Variants in ITSN2 observed in about 807,000 individuals in gnomAD.
The protein encoded by ITSN2 is intersectin-2.
In ITSN2, 156 loss-of-function variants were observed where a neutral mutation model predicts 243.7. That is an observed-to-expected ratio of 0.64 (90% CI 0.56 to 0.73). ITSN2 has a LOEUF of 0.73. Ranked by LOEUF, ITSN2 falls within the 30% of genes least tolerant of loss-of-function variation. The pLI is 0.00. For synonymous variants in ITSN2, 703 were observed against 699.9 expected, an observed-to-expected ratio of 1.00 and a Z score of -0.07; for missense variants, 1,801 against 1,996.1, an observed-to-expected ratio of 0.90 and a Z score of 1.86.
chr2:24,322,719 A>T (rs1684723271), intron 2 of ITSN2, among the ~76,000 whole-genome samples: 1 of 152,220 alleles, frequency 6.6e-6, no homozygotes, highest in Non-Finnish European at 1.5e-5. Flanking sequence ...ATTTTGACAA[A>T]CTGGACTTTA....
intron 20 of ITSN2, among the ~76,000 whole-genome samples, chr2:24,270,109 A>T (rs764622038): frequency 1.3e-5 from 2 of 152,168 alleles, no homozygotes; most frequent in Non-Finnish European, 2.9e-5. Flanking sequence ...CTCTGGCTAG[A>T]TACTCTGGTT....
At chr2:24,228,581 G>C (rs1219538585) in intron 29 of ITSN2, among the ~76,000 whole-genome samples, 1 of 152,182 alleles carries the variant, frequency 6.6e-6, no homozygotes, top group Admixed American at 6.5e-5. Context: ...GCATTGATCA[G>C]CAGAAGGAAG....
At chr2:24,288,095 A>C (rs1249335622) in intron 15 of ITSN2, among the ~76,000 whole-genome samples, 1 of 152,118 alleles carries the variant, frequency 6.6e-6, no homozygotes, top group African/African-American at 2.4e-5. Context: ...TATCCAAAAA[A>C]TCACTGCCAA....
chr2:24,240,447 C>T (rs935509521), intron 29 of ITSN2: 16 of 152,112 alleles, frequency 1.1e-4, no homozygotes, highest in African/African-American at 3.9e-4. Flanking sequence ...GGTCTAGTAA[C>T]TAGAAATTGC....
chr2:24,249,363 C>G lies in ITSN2; in HGVS notation c.3121-481G>C, dbSNP rs142315906. On this transcript the variant is annotated intron_variant, in intron 25 of 39. Transcript: ENST00000355123. The surrounding 1 kb of genome is among the most constrained non-coding windows in gnomAD (Gnocchi z 4.4). ...TTTTATTTATTTTACCATCCTCCCC[C>G]CAAACTGACTGAATCTGACCTAAGA... Among the ~76,000 whole-genome samples the G allele has an allele frequency of 8.2e-4, 125 of 152,242 alleles. No individual in the cohort carries two copies. The highest frequency in any genetic ancestry group is 2.5e-3 in the African/African-American group (105 of 41,548).
chr2:24,345,763 T>A (rs538581829), intron 1 of ITSN2, among the ~76,000 whole-genome samples: 1 of 151,882 alleles, frequency 6.6e-6, no homozygotes, highest in Admixed American at 6.5e-5. Flanking sequence ...CTGTAACATA[T>A]GCTATAAATG....
chr2:24,290,552 A>G (rs940933914), intron 15 of ITSN2, among the ~76,000 whole-genome samples: 1 of 152,200 alleles, frequency 6.6e-6, no homozygotes, highest in African/African-American at 2.4e-5. Flanking sequence ...GACCTTCCTC[A>G]TACCAAGATT....
chr2:24,320,371 T>G (rs911820016), intron 2 of ITSN2, among the ~76,000 whole-genome samples: 4 of 147,368 alleles, frequency 2.7e-5, no homozygotes, highest in African/African-American at 1.0e-4. Context: ...TACAAAAAAT[T>G]AGCCGGGCGC....
intron 30 of ITSN2, chr2:24,220,701 C>T (rs1670360189): frequency 1.5e-6 from 2 of 1,316,356 alleles, no homozygotes; most frequent in Non-Finnish European, 1.9e-6. Context: ...TGTTCTCCCG[C>T]TTCACTCTGA....
chr2:24,203,601 C>A lies in ITSN2; in HGVS notation c.*25G>T. The A allele has an allele frequency of 6.2e-7, 1 of 1,603,702 alleles. No individual in the cohort carries two copies. Among genetic ancestry groups the A allele is most frequent in the Non-Finnish European group, 8.5e-7 (1 of 1,174,158 alleles). On this transcript the variant is annotated 3_prime_UTR_variant, in exon 40 of 40. Transcript: ENST00000355123. ...TCCAGCCCCAGCCTTGTGGGCTGTC[C>A]CGCTGGTGCTGTCCTTTAGAACCCC...
intron 1 of ITSN2, among the ~76,000 whole-genome samples, chr2:24,357,844 T>A (rs1437754392): frequency 6.6e-6 from 1 of 152,250 alleles, no homozygotes; most frequent in Non-Finnish European, 1.5e-5. Context: ...AAAATGCTAC[T>A]TAATGGACTA....
chr2:24,331,770 T>G (rs1206344551), intron 1 of ITSN2, among the ~76,000 whole-genome samples: 1 of 152,184 alleles, frequency 6.6e-6, no homozygotes. Context: ...AAAAGAGCAG[T>G]GGTTCTTCAG....
At chr2:24,341,676 C>T (rs913836430) in intron 1 of ITSN2, among the ~76,000 whole-genome samples, 3 of 151,988 alleles carry the variant, frequency 2.0e-5, no homozygotes, top group Non-Finnish European at 2.9e-5. Flanking sequence ...GTCAGGAGAC[C>T]GGTCTCACGG....
intron 31 of ITSN2, 57 bp downstream of exon 31, chr2:24,217,849 AG>A (rs1174265193): frequency 8.6e-6 from 10 of 1,157,508 alleles, no homozygotes; most frequent in Admixed American, 1.8e-5. Context: ...GTTTTGTGTG[AG>A]TCTCAGTCTG....
At position 24,298,764 on chromosome 2, in the gene ITSN2, A is replaced by G; in HGVS notation, c.1395T>C (p.Ile465=). 1 of 1,613,178 alleles carries G rather than the reference A, an allele frequency of 6.2e-7. No individual in the cohort carries two copies. Among genetic ancestry groups the G allele is most frequent in the Non-Finnish European group, 8.5e-7 (1 of 1,179,622 alleles). ...ERQRRLEWER[I]RRQELLNQKN... is the part of the protein sequence containing the mutation. ...TTTGATTGAGAAGCTCCTGTCGCCGAATTCTCTCCCATTCTAAGCGACGTT... is the reference window on the plus strand; with the variant it reads ...TTTGATTGAGAAGCTCCTGTCGCCGGATTCTCTCCCATTCTAAGCGACGTT... The change falls in exon 13 of 40, where the codon ATT becomes ATC. Residue 465 remains isoleucine, a synonymous_variant. Coordinates refer to ENST00000355123, the MANE Select transcript of ITSN2 (RefSeq NM_006277.3).
chr2:24,256,165 A>C (rs962761649), intron 23 of ITSN2, among the ~76,000 whole-genome samples: 2 of 152,224 alleles, frequency 1.3e-5, no homozygotes, highest in Admixed American at 1.3e-4. Flanking sequence ...TGGAGGTTGC[A>C]GTGAGCCATG....
chr2:24,327,907 G>A (rs1026384364), intron 2 of ITSN2, 145 bp downstream of exon 2: 6 of 648,520 alleles, frequency 9.3e-6, no homozygotes, highest in Non-Finnish European at 1.3e-5. Context: ...GAAGACATAT[G>A]CAGTGTTCCA....
At position 24,299,814 on chromosome 2, in the gene ITSN2, C is replaced by A. The variant is rs189239187; in HGVS notation, c.1344+95G>T. The A allele has an allele frequency of 1.5e-3, 1,719 of 1,109,570 alleles. 18 individuals are homozygous for A. In the African/African-American group the frequency reaches 0.026, roughly 17 times the overall value. 68.7% of individuals were successfully genotyped at this position (1,109,570 alleles called of 1,614,324 possible). ...AAATGATGCAGAGCAAAAGGCAAAACAAAAATTCAAAAATAAGCATTTTTT... is the reference window on the plus strand; with the variant it reads ...AAATGATGCAGAGCAAAAGGCAAAAAAAAAATTCAAAAATAAGCATTTTTT... On this transcript the variant is annotated intron_variant, in intron 12 of 39. Transcript: ENST00000355123.
intron 7 of ITSN2, 69 bp from the exon 8 acceptor site, chr2:24,308,825 C>A: frequency 2.1e-6 from 2 of 940,312 alleles, no homozygotes; most frequent in East Asian, 3.5e-5. Flanking sequence ...TTTATAAGAC[C>A]AAGGCATTAA....
Sources: gnomAD v4.1 joint callset for allele counts (sites outside exome capture counted in the v4.1 genomes callset) on GRCh38, gnomAD v4.1.1 for gene constraint, Gnocchi (gnomAD v3.1) non-coding constraint, MANE v1.5 for transcripts, NCBI Gene and HGNC (gene_info 2026-07-23, HGNC 2026-07-21) for gene names.